The following REDIC1 variants were observed in gnomAD, a reference collection of about 807,000 sequenced individuals.
The protein encoded by REDIC1 is regulator of DNA class I crossover intermediates 1.
chr12:39,899,316 T>C, the REDIC1 span, among the ~76,000 whole-genome samples: 2 of 152,224 alleles, frequency 1.3e-5, no homozygotes, highest in Admixed American at 6.5e-5. Flanking sequence ...TTCTGTGGGA[T>C]TGGTGGTGAT....
At chr12:39,903,724 A>G in the REDIC1 span, among the ~76,000 whole-genome samples, 14 of 152,238 alleles carry the variant, frequency 9.2e-5, no homozygotes, top group African/African-American at 3.1e-4. Context: ...TGGAGACATC[A>G]TTTGAGCTGT....
chr12:39,668,478 T>A, the REDIC1 span, among the ~76,000 whole-genome samples: 1 of 152,216 alleles, frequency 6.6e-6, no homozygotes, highest in African/African-American at 2.4e-5. Context: ...AACCCAACCT[T>A]TCTCTCTGGC....
the REDIC1 span, among the ~76,000 whole-genome samples, chr12:39,712,583 GTATA>G: frequency 7.0e-6 from 1 of 142,430 alleles, no homozygotes; most frequent in African/African-American, 2.5e-5. Flanking sequence ...ACGTATATAT[GTATA>G]TACGTATATA....
At chr12:39,856,166 TA>T in the REDIC1 span, among the ~76,000 whole-genome samples, 1 of 152,036 alleles carries the variant, frequency 6.6e-6, no homozygotes, top group South Asian at 2.1e-4. Context: ...AAAATTATAC[TA>T]AAAAAACTTC....
chr12:39,802,608 T>C, the REDIC1 span, among the ~76,000 whole-genome samples: 1 of 152,200 alleles, frequency 6.6e-6, no homozygotes, highest in African/African-American at 2.4e-5. Context: ...TGTGTGAACT[T>C]AGATTGAGAC....
the REDIC1 span, among the ~76,000 whole-genome samples, chr12:39,747,209 A>G: frequency 1.3e-5 from 2 of 152,218 alleles, no homozygotes; most frequent in African/African-American, 4.8e-5. Context: ...AACTAGAATA[A>G]CCAGTGTAGA....
chr12:39,701,686 G>A, the REDIC1 span, among the ~76,000 whole-genome samples: 16 of 152,072 alleles, frequency 1.1e-4, 1 homozygote, highest in African/African-American at 3.9e-4. Flanking sequence ...CACATACTTG[G>A]AAGTAAAGCA....
chr12:39,826,889 T>C, the REDIC1 span, among the ~76,000 whole-genome samples: 1 of 106,398 alleles, frequency 9.4e-6, no homozygotes, highest in Non-Finnish European at 1.9e-5. Context: ...CAAGGTTCTT[T>C]ATGTATTCAT....
the REDIC1 span, among the ~76,000 whole-genome samples, chr12:39,722,168 A>G: frequency 1.3e-5 from 2 of 152,106 alleles, no homozygotes; most frequent in African/African-American, 4.8e-5. Context: ...ACATTTTTAT[A>G]CACAGATGTA....
the REDIC1 span, among the ~76,000 whole-genome samples, chr12:39,676,520 GGA>G: frequency 6.6e-6 from 1 of 152,088 alleles, no homozygotes; most frequent in Non-Finnish European, 1.5e-5. Flanking sequence ...CTAAAAGTTT[GGA>G]AAACTTATTT....
At chr12:39,830,402 G>C in the REDIC1 span, 1 of 1,342,282 alleles carries the variant, frequency 7.4e-7, no homozygotes, top group Non-Finnish European at 9.6e-7. Context: ...GAGCTGGCTG[G>C]TCTCTTCGAT....
the REDIC1 span, among the ~76,000 whole-genome samples, chr12:39,877,452 T>C: frequency 2.0e-5 from 3 of 152,306 alleles, no homozygotes; most frequent in African/African-American, 4.8e-5. Context: ...AATGTGGGTA[T>C]TACAGGAGCT....
At chr12:39,653,557 C>CTTCTTCTTCTTCTT in the REDIC1 span, among the ~76,000 whole-genome samples, 1 of 56,228 alleles carries the variant, frequency 1.8e-5, no homozygotes, top group African/African-American at 5.5e-5. Context: ...TCTTCTTCTT[C>CTTCTTCTTCTTCTT]TTTCTTCTTC....
At chr12:39,650,255 G>A in the REDIC1 span, 1 of 1,609,248 alleles carries the variant, frequency 6.2e-7, no homozygotes. This position sits in a 1 kb window ranked among gnomAD's most constrained non-coding sequence, Gnocchi z 4.3. Flanking sequence ...ACTGTTAACT[G>A]TTCTGATTCC....
chr12:39,626,931 G>A, the REDIC1 span, among the ~76,000 whole-genome samples: 2 of 152,162 alleles, frequency 1.3e-5, no homozygotes, highest in African/African-American at 4.8e-5. Context: ...ATCACATAAA[G>A]CGTGATAGAT....
At chr12:39,712,473 T>G in the REDIC1 span, among the ~76,000 whole-genome samples, 1 of 141,970 alleles carries the variant, frequency 7.0e-6, no homozygotes, top group Non-Finnish European at 1.6e-5. Flanking sequence ...CGTATGTATA[T>G]ATACATACAG....
chr12:39,656,539 T>C, the REDIC1 span, among the ~76,000 whole-genome samples: 1 of 152,244 alleles, frequency 6.6e-6, no homozygotes, highest in Non-Finnish European at 1.5e-5. Flanking sequence ...TTTATTATAC[T>C]ATTTATTGTT....
At chr12:39,758,479 A>G in the REDIC1 span, 1 of 151,982 alleles carries the variant, frequency 6.6e-6, no homozygotes, top group African/African-American at 2.4e-5. Context: ...CATCAAACTG[A>G]TGTATTCCTA....
the REDIC1 span, among the ~76,000 whole-genome samples, chr12:39,667,745 C>T: frequency 7.3e-3 from 1,105 of 152,172 alleles, 17 homozygotes; most frequent in East Asian, 0.075. Flanking sequence ...TGAATCTGGG[C>T]GCTCCTGTAT....
Sources: allele counts gnomAD v4.1 joint callset (sites outside exome capture counted in the v4.1 genomes callset), GRCh38; gene constraint gnomAD v4.1.1; non-coding constraint Gnocchi (gnomAD v3.1); transcripts MANE v1.5; gene names NCBI Gene and HGNC (gene_info 2026-07-23, HGNC 2026-07-21).